FNDC3B: variants seen among roughly 807,000 people sequenced by gnomAD.
The protein encoded by FNDC3B is fibronectin type III domain containing 3B.
A neutral mutation model predicts 151.5 loss-of-function variants in FNDC3B; 12 were observed. That is an observed-to-expected ratio of 0.08 (90% CI 0.05 to 0.13). FNDC3B has a LOEUF of 0.13. Among genes scored for constraint, FNDC3B ranks in the 10% least tolerant of loss-of-function variants. The pLI, the probability that FNDC3B is intolerant of heterozygous loss-of-function variation, is 1.00. For missense variants in FNDC3B, 1,214 were observed against 1,505.3 expected, an observed-to-expected ratio of 0.81 and a Z score of 3.20; for synonymous variants, 528 against 549.0, an observed-to-expected ratio of 0.96 and a Z score of 0.54.
intron 1 of FNDC3B, among the ~76,000 whole-genome samples, chr3:172,089,437 C>CAGCTGTG (rs1718702529): frequency 2.0e-5 from 3 of 151,970 alleles, no homozygotes; most frequent in Admixed American, 6.6e-5. Context: ...CACAGCTGTC[C>CAGCTGTG]GCAGAGGTTT....
chr3:172,271,192 C>A (rs561215861), intron 6 of FNDC3B, among the ~76,000 whole-genome samples: 1 of 152,316 alleles, frequency 6.6e-6, no homozygotes, highest in East Asian at 1.9e-4. Context: ...TTAGGTAGAA[C>A]CTGGACTTTG....
At chr3:172,188,012 T>G (rs78788126) in intron 3 of FNDC3B, among the ~76,000 whole-genome samples, 1 of 151,724 alleles carries the variant, frequency 6.6e-6, no homozygotes, top group Non-Finnish European at 1.5e-5. Context: ...TTTTTTTTTT[T>G]GAGACGGAGT....
chr3:172,249,724 C>T (rs892874603), intron 5 of FNDC3B, among the ~76,000 whole-genome samples: 10 of 152,194 alleles, frequency 6.6e-5, no homozygotes, highest in African/African-American at 2.4e-4. Flanking sequence ...TTTGGATACA[C>T]ACTCTCTGAA....
intron 25 of FNDC3B, among the ~76,000 whole-genome samples, chr3:172,391,573 A>G (rs945987124): frequency 6.6e-6 from 1 of 152,202 alleles, no homozygotes; most frequent in Non-Finnish European, 1.5e-5. Flanking sequence ...ACATTATTTG[A>G]CCCTTTGATA....
At chr3:172,115,601 T>C (rs1398414390) in intron 2 of FNDC3B, among the ~76,000 whole-genome samples, 1 of 152,216 alleles carries the variant, frequency 6.6e-6, no homozygotes, top group East Asian at 1.9e-4. Flanking sequence ...GCTTTCTCAC[T>C]GAAGCAACAC....
chr3:172,307,406 C>G lies in FNDC3B; in HGVS notation c.1105C>G (p.Pro369Ala). ...TTCCGTAAAGGGATCCTGCTCCGAG[C>G]CTGTTAGCTTCACCACCCACAGCTG... ...YNSVKGSCSE[P>A]VSFTTHSCAP... Residue 369 changes from proline (P) to alanine (A), a missense_variant, in exon 10 of 26, where the codon CCT becomes GCT. Physicochemically the swap from Pro to Ala is conservative, Grantham distance 27. Around this residue, in one of 7 missense-constraint regions of FNDC3B, gnomAD observed 156 missense variants for 225.3 expected, o/e 0.69. Coordinates refer to ENST00000415807, the MANE Select transcript of FNDC3B (RefSeq NM_022763.4). 2 of 1,614,112 alleles carry G rather than the reference C, an allele frequency of 1.2e-6. No individual in the cohort carries two copies. Among genetic ancestry groups the G allele is most frequent in the Non-Finnish European group, 1.7e-6 (2 of 1,179,982 alleles).
intron 6 of FNDC3B, among the ~76,000 whole-genome samples, chr3:172,263,406 T>C (rs963699204): frequency 1.6e-4 from 24 of 152,082 alleles, no homozygotes; most frequent in Non-Finnish European, 2.5e-4. Flanking sequence ...TATTTAAGTG[T>C]CTTGCCAAGC....
At chr3:172,241,844 A>G (rs766905987) in intron 4 of FNDC3B, among the ~76,000 whole-genome samples, 6 of 152,154 alleles carry the variant, frequency 3.9e-5, no homozygotes, top group Non-Finnish European at 8.8e-5. Flanking sequence ...ATCTTAACTC[A>G]TTTCAGCATT....
intron 4 of FNDC3B, among the ~76,000 whole-genome samples, chr3:172,243,608 C>T (rs1334402409): frequency 6.6e-6 from 1 of 152,166 alleles, no homozygotes; most frequent in Non-Finnish European, 1.5e-5. Context: ...CCCACCCACT[C>T]CCTCCCACAA....
intron 1 of FNDC3B, among the ~76,000 whole-genome samples, chr3:172,053,744 T>G (rs1327088245): frequency 7.2e-6 from 1 of 137,978 alleles, no homozygotes; most frequent in African/African-American, 2.8e-5. Flanking sequence ...TGCCCTGCAC[T>G]CCAGCCTAGG....
chr3:172,098,799 G>A (rs1719222603), intron 1 of FNDC3B, among the ~76,000 whole-genome samples: 4 of 152,184 alleles, frequency 2.6e-5, no homozygotes, highest in Admixed American at 6.5e-5. Flanking sequence ...GGCAGTTAGG[G>A]CCTGTGAACA....
intron 6 of FNDC3B, among the ~76,000 whole-genome samples, chr3:172,256,193 C>T (rs1728338537): frequency 6.6e-6 from 1 of 152,204 alleles, no homozygotes. Flanking sequence ...GTGAATATGC[C>T]TCATTCCCCT....
intron 1 of FNDC3B, among the ~76,000 whole-genome samples, chr3:172,054,983 T>C (rs1379965187): frequency 1.3e-5 from 2 of 152,246 alleles, no homozygotes; most frequent in African/African-American, 4.8e-5. Flanking sequence ...ATTGTAATTT[T>C]AGGATCTGAG....
chr3:172,397,550 A>G lies in FNDC3B; in HGVS notation c.*75A>G. On this transcript the variant is annotated 3_prime_UTR_variant, in exon 26 of 26. Coordinates refer to ENST00000415807, the MANE Select transcript of FNDC3B (RefSeq NM_022763.4). ...CATTTATTCAGATACTCCCCTTTTT[A>G]AAGCCCTTTTGTTTTTTGATTTATA... 1.0e-6 allele frequency: 1 copy of G among 981,666 alleles called. No homozygotes were observed. Among genetic ancestry groups the G allele is most frequent in the Non-Finnish European group, 1.5e-6 (1 of 681,532 alleles). 60.8% of individuals were successfully genotyped at this position (981,666 alleles called of 1,614,324 possible).
At chr3:172,093,556 C>A (rs1400775051) in intron 1 of FNDC3B, among the ~76,000 whole-genome samples, 1 of 152,056 alleles carries the variant, frequency 6.6e-6, no homozygotes, top group African/African-American at 2.4e-5. Flanking sequence ...CCGCGCCCGG[C>A]CCCATCTAAT....
intron 23 of FNDC3B, among the ~76,000 whole-genome samples, chr3:172,372,333 G>A (rs2108358400): frequency 6.6e-6 from 1 of 152,274 alleles, no homozygotes; most frequent in South Asian, 2.1e-4. Context: ...ACCCCTCAGA[G>A]ATATTGCCAG....
chr3:172,259,914 A>T (rs1246940324), intron 6 of FNDC3B, among the ~76,000 whole-genome samples: 2 of 152,242 alleles, frequency 1.3e-5, no homozygotes, highest in Non-Finnish European at 2.9e-5. Context: ...TTTCACTTGC[A>T]TATAAAGACA....
In FNDC3B at chr3:172,040,282, A is replaced by T. The variant is rs963305489; in HGVS notation, c.-29+511A>T. On this transcript the variant is annotated intron_variant, in intron 1 of 25. Transcript: ENST00000415807. This position sits in a 1 kb window ranked among gnomAD's most constrained non-coding sequence, Gnocchi z 6.6. ...CATATGGTGGAGGGAAGAGGGCGGG[A>T]GTGCGAAGTGGGGCTGGAAGTTGGG... Among the ~76,000 whole-genome samples the T allele has an allele frequency of 1.5e-4, 23 of 151,078 alleles. No individual in the cohort carries two copies. The highest frequency in any genetic ancestry group is 5.6e-4 in the African/African-American group (23 of 41,084).
intron 21 of FNDC3B, among the ~76,000 whole-genome samples, chr3:172,350,812 C>T (rs572010074): frequency 3.9e-4 from 59 of 152,096 alleles, no homozygotes; most frequent in Non-Finnish European, 7.1e-4. Flanking sequence ...GCTGAGATTG[C>T]GCCACTGCAC....
Sources: allele counts gnomAD v4.1 joint callset (sites outside exome capture counted in the v4.1 genomes callset), GRCh38; gene constraint gnomAD v4.1.1; regional missense constraint gnomAD v4.1.1; non-coding constraint Gnocchi (gnomAD v3.1); transcripts MANE v1.5; gene names NCBI Gene and HGNC (gene_info 2026-07-23, HGNC 2026-07-21).